NALF2: variants seen among roughly 807,000 people sequenced by gnomAD.
NALF2 encodes NALCN channel auxiliary factor 2.
A neutral mutation model predicts 24.8 loss-of-function variants in NALF2; 1 was observed. The ratio of observed to expected loss-of-function variants is 0.04; its 90% confidence interval spans 0.01 to 0.19. NALF2 has a LOEUF of 0.19. NALF2 is among the 10% of genes least tolerant of loss of function. The pLI, the probability that NALF2 is intolerant of heterozygous loss-of-function variation, is 1.00. For missense variants in NALF2, 458 were observed against 409.6 expected (o/e 1.12, Z -1.02); for synonymous variants, 254 against 189.8 (o/e 1.34, Z -2.78).
In NALF2 at chrX:69,507,926, C is replaced by T. The variant is rs936060677; in HGVS notation, c.861+1783C>T. Among the ~76,000 whole-genome samples, 4 of 111,222 alleles carry T rather than the reference C, an allele frequency of 3.6e-5. No homozygotes were observed. The East Asian group carries it at 8.5e-4, about 24-fold the overall frequency. ...GTTTTCTCCGTGTTGTAGTTGACTC[C>T]GATTTCTGTCTGGACCTGAACTAAA... On this transcript the variant is annotated intron_variant, in intron 1 of 2. Transcript: ENST00000252338.
intron 1 of NALF2, among the ~76,000 whole-genome samples, 170 bp from the exon 2 acceptor site, chrX:69,528,823 A>T (rs1247648235): frequency 8.9e-6 from 1 of 111,959 alleles, no homozygotes; most frequent in Non-Finnish European, 1.9e-5. Context: ...CGGAGATCTT[A>T]GGTAAGATGC....
intron 1 of NALF2, among the ~76,000 whole-genome samples, chrX:69,524,508 T>C (rs1283160506): frequency 8.9e-6 from 1 of 111,790 alleles, no homozygotes; most frequent in African/African-American, 3.3e-5. Flanking sequence ...TATCTTGTTC[T>C]GAGACATTTC....
rs758459917 is a variant in NALF2, at chrX:69,505,786, C to T, written c.504C>T (p.Pro168=). 1.7e-6 allele frequency: 2 copies of T among 1,211,247 alleles called. No homozygotes were observed. Among genetic ancestry groups the T allele is most frequent in the Middle Eastern group, 2.3e-4 (1 of 4,354 alleles). Reference sequence around the variant, plus strand: ...CTACTCCGGCCCCCCCTCTGCGGCCCCCTGACTCCCTTTCCCGTGCCCCGG... The same window carrying T: ...CTACTCCGGCCCCCCCTCTGCGGCCTCCTGACTCCCTTTCCCGTGCCCCGG... ...EPTTPAPPLR[P]PDSLSRAPAE... is the part of the protein sequence containing the mutation. The change falls in exon 1 of 3, where the codon CCC becomes CCT. Residue 168 remains proline (P), a synonymous_variant. Transcript: ENST00000252338.
chrX:69,516,929 CAT>C (rs761344291), intron 1 of NALF2, among the ~76,000 whole-genome samples: 83 of 111,913 alleles, frequency 7.4e-4, no homozygotes, highest in African/African-American at 2.6e-3. Flanking sequence ...AAACTTTACT[CAT>C]GTGGAGAATG....
At chrX:69,527,076 G>A (rs1930819006) in intron 1 of NALF2, among the ~76,000 whole-genome samples, 1 of 111,371 alleles carries the variant, frequency 9.0e-6, no homozygotes, top group Non-Finnish European at 1.9e-5. Flanking sequence ...AGATGATGAT[G>A]GCTTGCCCAA....
intron 1 of NALF2, among the ~76,000 whole-genome samples, chrX:69,517,350 A>G (rs1930677147): frequency 9.0e-6 from 1 of 111,362 alleles, no homozygotes; most frequent in African/African-American, 3.3e-5. Context: ...TGTTATTATT[A>G]TTATTGGCTG....
chrX:69,513,620 T>C (rs1017332949), intron 1 of NALF2, among the ~76,000 whole-genome samples: 5 of 86,318 alleles, frequency 5.8e-5, no homozygotes, highest in African/African-American at 2.6e-4. Context: ...CTTAGAATTA[T>C]TATAGTCTCA....
At chrX:69,518,340 G>A (rs1930690918) in intron 1 of NALF2, among the ~76,000 whole-genome samples, 1 of 111,164 alleles carries the variant, frequency 9.0e-6, no homozygotes, top group Non-Finnish European at 1.9e-5. Context: ...AAAGCAGTTT[G>A]TTTTTATTTA....
rs775747958 is a variant in NALF2 at position 69,529,180 on chromosome X, T to C, written c.1033+16T>C. On this transcript the variant is annotated intron_variant, in intron 2 of 2. Transcript: ENST00000252338. ...ATCTGTACAGGTAAAGGCAGGGCAC[T>C]GGGGAAGAGGGAGGAGGCCGGGGGC... The C allele has an allele frequency of 2.5e-6, 3 of 1,196,954 alleles. No homozygotes were observed. Among genetic ancestry groups the C allele is most frequent in the Non-Finnish European group, 3.4e-6 (3 of 887,543 alleles).
intron 1 of NALF2, among the ~76,000 whole-genome samples, chrX:69,527,266 CAT>C (rs1930821905): frequency 8.9e-6 from 1 of 111,764 alleles, no homozygotes; most frequent in African/African-American, 3.3e-5. Flanking sequence ...AAATTTATAA[CAT>C]GTTAAATTTG....
In NALF2 at chrX:69,505,820, C is replaced by T. The variant is rs1930466899; in HGVS notation, c.538C>T (p.Pro180Ser). 3 of 1,208,813 alleles carry T rather than the reference C, an allele frequency of 2.5e-6. No homozygotes were observed. Among genetic ancestry groups the T allele is most frequent in the African/African-American group, 3.5e-5 (2 of 56,995 alleles). ...DSLSRAPAEF[P>S]SAKKNLLKGH... ...CCTTTCCCGTGCCCCGGCCGAGTTC[C>T]CCTCCGCCAAAAAAAACTTGCTCAA... Residue 180 changes from proline to serine, a missense_variant, in exon 1 of 3, where the codon CCC (proline) becomes TCC (serine). Coordinates refer to ENST00000252338, the MANE Select transcript of NALF2 (RefSeq NM_015686.3).
chrX:69,507,947 C>T (rs1028456574), intron 1 of NALF2, among the ~76,000 whole-genome samples: 1 of 111,335 alleles, frequency 9.0e-6, no homozygotes, highest in African/African-American at 3.3e-5. Context: ...TGGACCTGAA[C>T]TAAATACAAA....
At chrX:69,517,279 T>G (rs1319897362) in intron 1 of NALF2, among the ~76,000 whole-genome samples, 1 of 112,155 alleles carries the variant, frequency 8.9e-6, no homozygotes, top group African/African-American at 3.2e-5. Flanking sequence ...TGAAGCATGC[T>G]AATCTCTTAA....
chrX:69,520,601 A>G (rs144052600), intron 1 of NALF2, among the ~76,000 whole-genome samples: 42 of 111,681 alleles, frequency 3.8e-4, no homozygotes, highest in African/African-American at 1.4e-3. Context: ...TGCCTCCTCA[A>G]CATTTCCACC....
intron 1 of NALF2, among the ~76,000 whole-genome samples, chrX:69,509,850 G>C (rs1295890691): frequency 1.8e-5 from 2 of 112,552 alleles, no homozygotes; most frequent in Non-Finnish European, 3.8e-5. Context: ...TTAAAACCTA[G>C]TTCTTTTATT....
At chrX:69,527,881 T>C (rs1930830660) in intron 1 of NALF2, among the ~76,000 whole-genome samples, 1 of 111,904 alleles carries the variant, frequency 8.9e-6, no homozygotes, top group Non-Finnish European at 1.9e-5. Flanking sequence ...GTCCACACTT[T>C]GAAGAGCAAG....
chrX:69,528,613 T>C (rs1467971645), intron 1 of NALF2, among the ~76,000 whole-genome samples: 1 of 112,336 alleles, frequency 8.9e-6, no homozygotes, highest in African/African-American at 3.2e-5. Flanking sequence ...GAACTGACAT[T>C]TGCCTCATTA....
chrX:69,530,087 T>A lies in NALF2; in HGVS notation c.*131T>A. On this transcript the variant is annotated 3_prime_UTR_variant, in exon 3 of 3. Transcript: ENST00000252338. ...GCGGGGGAAATGGGGGAATGACACA[T>A]CCCCCCCAACCTACCCCCACCCCAA... is the stretch of plus-strand genomic sequence containing the variant. 2.1e-6 allele frequency: 1 copy of A among 484,645 alleles called. No homozygotes were observed. The highest frequency in any genetic ancestry group is 3.8e-5 in the East Asian group (1 of 26,024). 39.9% of individuals were successfully genotyped at this position (484,645 alleles called of 1,213,427 possible).
At position 69,505,981 on chromosome X, in the gene NALF2, C is replaced by T. The variant is rs140715552; in HGVS notation, c.699C>T (p.Ala233=). 4 of 1,211,692 alleles carry T rather than the reference C, an allele frequency of 3.3e-6. No individual in the cohort carries two copies. The highest frequency in any genetic ancestry group is 4.5e-6 in the Non-Finnish European group (4 of 895,411). ...TLMGDLLAVV[A]SPGSGAWEAC... ...TGGGGGACCTGCTGGCCGTGGTGGCCAGCCCGGGCTCCGGGGCCTGGGAGG... is the reference window on the plus strand; with the variant it reads ...TGGGGGACCTGCTGGCCGTGGTGGCTAGCCCGGGCTCCGGGGCCTGGGAGG... The change falls in exon 1 of 3, where the codon GCC becomes GCT. Residue 233 remains alanine, a synonymous_variant. Coordinates refer to ENST00000252338, the MANE Select transcript of NALF2 (RefSeq NM_015686.3).
Sources: gnomAD v4.1 joint callset for allele counts (sites outside exome capture counted in the v4.1 genomes callset) on GRCh38, gnomAD v4.1.1 for gene constraint, MANE v1.5 for transcripts, NCBI Gene and HGNC (gene_info 2026-07-23, HGNC 2026-07-21) for gene names.